The following TASP1 variants were observed in gnomAD, a reference collection of about 807,000 sequenced individuals.
TASP1 encodes taspase 1, also known as threonine aspartase 1.
TASP1 carries 16 observed loss-of-function variants against 56.6 expected under a neutral mutation model. That is an observed-to-expected ratio of 0.28 (90% CI 0.19 to 0.43). TASP1 has a LOEUF of 0.43. TASP1 is among the 20% of genes least tolerant of loss of function. The pLI, the probability that TASP1 is intolerant of heterozygous loss-of-function variation, is 1.00. For synonymous variants in TASP1, 179 were observed against 184.2 expected, an observed-to-expected ratio of 0.97 and a Z score of 0.23; for missense variants, 393 against 511.6, an observed-to-expected ratio of 0.77 and a Z score of 2.24.
At chr20:13,175,549 A>G in the TASP1 span, among the ~76,000 whole-genome samples, 1 of 152,224 alleles carries the variant, frequency 6.6e-6, no homozygotes, top group Admixed American at 6.5e-5. Flanking sequence ...ACCCAAAGGC[A>G]TAGAGCAATG....
At chr20:13,108,644 G>A in the TASP1 span, among the ~76,000 whole-genome samples, 7 of 151,570 alleles carry the variant, frequency 4.6e-5, no homozygotes, top group East Asian at 1.9e-4. Context: ...GTGTGATCTC[G>A]GCTCACTGCA....
At chr20:13,221,552 TGCGGCGGCGGCGGCG>T in the TASP1 span, among the ~76,000 whole-genome samples, 1 of 141,508 alleles carries the variant, frequency 7.1e-6, no homozygotes, top group Non-Finnish European at 1.6e-5. Context: ...TCCGCCGTGG[TGCGGCGGCGGCGGCG>T]GCGGCGGCGC....
intron 8 of TASP1, among the ~76,000 whole-genome samples, chr20:13,549,440 ATGTG>A (rs1355375506): frequency 6.6e-6 from 1 of 150,754 alleles, no homozygotes; most frequent in Non-Finnish European, 1.5e-5. Context: ...GTGTGTGTGT[ATGTG>A]TGTGTGTGTA....
At position 13,559,551 on chromosome 20, in the gene TASP1, C is replaced by CA. The variant is rs1309647918; in HGVS notation, c.569-438dup. ...AAATGAGAAAAAAGCCACCAGGCAC[C>CA]AAAAAATAATAAAAAGTAAATAAAA... On this transcript the variant is annotated intron_variant, in intron 7 of 13. Coordinates refer to ENST00000337743, the MANE Select transcript of TASP1 (RefSeq NM_017714.3). 2.6e-5 allele frequency among the ~76,000 whole-genome samples: 4 copies of CA among 152,094 alleles called. 1 individual carries two copies. Among genetic ancestry groups the CA allele is most frequent in the African/African-American group, 7.2e-5 (3 of 41,524 alleles).
At chr20:13,272,955 T>C in the TASP1 span, among the ~76,000 whole-genome samples, 1 of 152,204 alleles carries the variant, frequency 6.6e-6, no homozygotes, top group Non-Finnish European at 1.5e-5. Context: ...GGTGGGAATG[T>C]CACTTGGGGC....
chr20:13,172,205 G>T, the TASP1 span, among the ~76,000 whole-genome samples: 1 of 152,008 alleles, frequency 6.6e-6, no homozygotes, highest in African/African-American at 2.4e-5. Flanking sequence ...CTAAGCGGAT[G>T]AATATAAAAA....
chr20:13,445,786 G>C (rs1216922713), intron 11 of TASP1, among the ~76,000 whole-genome samples: 1 of 152,132 alleles, frequency 6.6e-6, no homozygotes, highest in African/African-American at 2.4e-5. Context: ...AAGTAGAAGA[G>C]GGCAAAATAA....
At chr20:13,267,909 C>T in the TASP1 span, among the ~76,000 whole-genome samples, 78 of 152,208 alleles carry the variant, frequency 5.1e-4, no homozygotes, top group Non-Finnish European at 1.0e-3. Context: ...AATTCTGGGC[C>T]CCTTCCAAGA....
chr20:13,516,308 C>A (rs2044530522), intron 10 of TASP1, among the ~76,000 whole-genome samples: 1 of 152,130 alleles, frequency 6.6e-6, no homozygotes, highest in Non-Finnish European at 1.5e-5. Context: ...TTTTCTCCTC[C>A]TTTTGATGAG....
At chr20:13,246,369 A>C in the TASP1 span, among the ~76,000 whole-genome samples, 2 of 151,770 alleles carry the variant, frequency 1.3e-5, no homozygotes, top group Non-Finnish European at 2.9e-5. Context: ...TGAATATTGC[A>C]TTCTTCCTGC....
chr20:13,280,588 TC>T, the TASP1 span, among the ~76,000 whole-genome samples: 1 of 152,292 alleles, frequency 6.6e-6, no homozygotes, highest in Non-Finnish European at 1.5e-5. Flanking sequence ...ATTTTGGAGT[TC>T]CACCAACTGT....
chr20:13,146,160 C>T, the TASP1 span, among the ~76,000 whole-genome samples: 1 of 152,146 alleles, frequency 6.6e-6, no homozygotes, highest in Non-Finnish European at 1.5e-5. Context: ...TTCTCCTTAG[C>T]AAACTAACAC....
At chr20:13,229,881 G>A in the TASP1 span, among the ~76,000 whole-genome samples, 1 of 151,976 alleles carries the variant, frequency 6.6e-6, no homozygotes, top group Non-Finnish European at 1.5e-5. Flanking sequence ...ATTCTGTTGT[G>A]GATTGACTCA....
chr20:13,568,546 C>T (rs370078599), intron 7 of TASP1, among the ~76,000 whole-genome samples: 1 of 152,106 alleles, frequency 6.6e-6, no homozygotes, highest in South Asian at 2.1e-4. Context: ...TAGATTCAAT[C>T]ATTATCAGAG....
At chr20:13,282,481 C>T in the TASP1 span, among the ~76,000 whole-genome samples, 2 of 152,216 alleles carry the variant, frequency 1.3e-5, no homozygotes, top group Admixed American at 1.3e-4. Context: ...ATTAAGAACA[C>T]CCCCTCTATT....
At chr20:13,391,445 GC>G (rs1172571109) in intron 13 of TASP1, among the ~76,000 whole-genome samples, 2 of 152,170 alleles carry the variant, frequency 1.3e-5, no homozygotes, top group Non-Finnish European at 2.9e-5. Context: ...AAGAGGGGCT[GC>G]ATAAACTTCA....
chr20:13,106,187 A>G, the TASP1 span, among the ~76,000 whole-genome samples: 13 of 152,192 alleles, frequency 8.5e-5, no homozygotes, highest in Non-Finnish European at 1.6e-4. Flanking sequence ...AATAATTCTT[A>G]TTTCTATCCA....
At chr20:13,566,500 A>C (rs1240314238) in intron 7 of TASP1, among the ~76,000 whole-genome samples, 2 of 152,060 alleles carry the variant, frequency 1.3e-5, no homozygotes, top group African/African-American at 4.8e-5. Context: ...AAAAAAAAAC[A>C]AGCTATTGAT....
At chr20:13,119,281 G>T in the TASP1 span, among the ~76,000 whole-genome samples, 1 of 152,150 alleles carries the variant, frequency 6.6e-6, no homozygotes, top group Non-Finnish European at 1.5e-5. Context: ...TTGAAATGTT[G>T]TCAAATTTGG....
Sources: gnomAD v4.1 joint callset for allele counts (sites outside exome capture counted in the v4.1 genomes callset) on GRCh38, gnomAD v4.1.1 for gene constraint, MANE v1.5 for transcripts, NCBI Gene and HGNC (gene_info 2026-07-23, HGNC 2026-07-21) for gene names.